The following LRFN2 variants were observed in gnomAD, a reference collection of about 807,000 sequenced individuals.
The protein encoded by LRFN2 is leucine-rich repeat and fibronectin type-III domain-containing protein 2.
LRFN2 carries 18 observed loss-of-function variants against 37.3 expected under a neutral mutation model. The ratio of observed to expected loss-of-function variants is 0.48; its 90% CI spans 0.33 to 0.72. The LOEUF (loss-of-function observed/expected upper bound fraction) is 0.72. Among genes scored for constraint, LRFN2 ranks in the 30% least tolerant of loss-of-function variants. The pLI, the probability that LRFN2 is intolerant of heterozygous loss-of-function variation, is 0.02. For missense variants in LRFN2, 1,006 were observed against 1,060.7 expected, an observed-to-expected ratio of 0.95 and a Z score of 0.72; for synonymous variants, 556 against 466.6, an observed-to-expected ratio of 1.19 and a Z score of -2.47.
chr6:40,399,416 T>TTTTTC (rs1255661120), intron 2 of LRFN2, among the ~76,000 whole-genome samples: 3 of 146,386 alleles, frequency 2.0e-5, no homozygotes, highest in Non-Finnish European at 4.5e-5. Flanking sequence ...ATTCTCTTTC[T>TTTTTC]TTTTCTTTTC....
At chr6:40,426,478 A>G (rs1763355716) in intron 2 of LRFN2, among the ~76,000 whole-genome samples, 1 of 152,210 alleles carries the variant, frequency 6.6e-6, no homozygotes, top group Admixed American at 6.5e-5. Context: ...GGCTGAGGAC[A>G]TGGAGATGAG....
intron 1 of LRFN2, among the ~76,000 whole-genome samples, chr6:40,533,428 AGAAAGAGAGAGAGG>A (rs1373202884): frequency 6.6e-6 from 1 of 151,284 alleles, no homozygotes; most frequent in African/African-American, 2.5e-5. Context: ...AAAGAGAGAG[AGAAAGAGAGAGAGG>A]GAAAGACAGA....
chr6:40,404,930 G>A (rs1762810736), intron 2 of LRFN2, among the ~76,000 whole-genome samples: 1 of 152,160 alleles, frequency 6.6e-6, no homozygotes, highest in Admixed American at 6.5e-5. Context: ...CCTAGCTCAA[G>A]CTTATCTGCC....
At chr6:40,469,011 TA>T (rs963768687) in intron 1 of LRFN2, among the ~76,000 whole-genome samples, 8 of 152,116 alleles carry the variant, frequency 5.3e-5, no homozygotes, top group African/African-American at 1.9e-4. Context: ...TGTCCTTATC[TA>T]AAAAAAGGGT....
Position 40,392,713 on chromosome 6 carries a change from T to A in LRFN2, c.1600A>T (p.Met534Leu). The A allele has an allele frequency of 6.2e-7, 1 of 1,614,032 alleles. No homozygotes were observed. The highest frequency in any genetic ancestry group is 8.5e-7 in the Non-Finnish European group (1 of 1,179,968). Residue 534 changes from methionine to leucine, a missense_variant, in exon 3 of 3, where the codon ATG becomes TTG. By Grantham distance (15) the Met-to-Leu change is conservative. Transcript: ENST00000338305. This position sits in a 1 kb window ranked among gnomAD's most constrained non-coding sequence, Gnocchi z 4.7. ...ATGATGCCCCCGATGACCAGGATCATGGTGCCGCCCAGAATCTGGCTGTGC... is the reference window on the plus strand; with the variant it reads ...ATGATGCCCCCGATGACCAGGATCAAGGTGCCGCCCAGAATCTGGCTGTGC... ...SMHSQILGGT[M>L]ILVIGGIIVA...
intron 2 of LRFN2, among the ~76,000 whole-genome samples, chr6:40,428,426 C>A (rs1410557418): frequency 6.6e-6 from 1 of 152,214 alleles, no homozygotes; most frequent in Non-Finnish European, 1.5e-5. Context: ...TATATACCTT[C>A]CTGTTAAAAT....
chr6:40,522,921 G>A (rs1766128064), intron 1 of LRFN2, among the ~76,000 whole-genome samples: 1 of 152,226 alleles, frequency 6.6e-6, no homozygotes, highest in African/African-American at 2.4e-5. Flanking sequence ...AGGGCCTGCA[G>A]TGGATGTGAA....
intron 1 of LRFN2, among the ~76,000 whole-genome samples, chr6:40,433,519 T>A (rs151311640): frequency 6.6e-6 from 1 of 152,034 alleles, no homozygotes; most frequent in Non-Finnish European, 1.5e-5. Flanking sequence ...GATGGATGGA[T>A]GGGTGGATGG....
At chr6:40,433,287 T>A (rs142108135) in intron 1 of LRFN2, among the ~76,000 whole-genome samples, 156 bp from the exon 2 acceptor site, 1 of 152,284 alleles carries the variant, frequency 6.6e-6, no homozygotes, top group African/African-American at 2.4e-5. Context: ...ATCCCTCTAA[T>A]GCAGTTTTAC....
intron 1 of LRFN2, among the ~76,000 whole-genome samples, chr6:40,531,542 T>C (rs1323172932): frequency 6.6e-6 from 1 of 152,158 alleles, no homozygotes; most frequent in African/African-American, 2.4e-5. Flanking sequence ...GTCTCCCAGA[T>C]CCTCCCTCCA....
chr6:40,395,080 G>A (rs1762586303), intron 2 of LRFN2, among the ~76,000 whole-genome samples: 1 of 151,894 alleles, frequency 6.6e-6, no homozygotes, highest in Non-Finnish European at 1.5e-5. Flanking sequence ...GAGGGGTTAG[G>A]AGAGGTGGAT....
At position 40,431,698 on chromosome 6, in the gene LRFN2, A is replaced by C; in HGVS notation, c.1400+16T>G. The C allele has an allele frequency of 2.0e-6, 3 of 1,500,204 alleles. No individual in the cohort carries two copies. The highest frequency in any genetic ancestry group is 1.4e-5 in the South Asian group (1 of 72,410). 92.9% of individuals were successfully genotyped at this position (1,500,204 alleles called of 1,614,324 possible). A position where few individuals can be genotyped will look rare whatever the true frequency, so the allele number is the denominator to read the frequency against. On this transcript the variant is annotated intron_variant, in intron 2 of 2. Transcript: ENST00000338305. Reference sequence around the variant, plus strand: ...GCCAGACACCCTCCCTGCCTTTGCCACAGCCGCTTGCTCACCTGTAAATCA... The same window carrying C: ...GCCAGACACCCTCCCTGCCTTTGCCCCAGCCGCTTGCTCACCTGTAAATCA...
chr6:40,530,640 G>A (rs186978542), intron 1 of LRFN2, among the ~76,000 whole-genome samples: 254 of 151,828 alleles, frequency 1.7e-3, no homozygotes, highest in African/African-American at 5.6e-3. Context: ...CCCAGGACCC[G>A]TCACCCCCAG....
intron 1 of LRFN2, among the ~76,000 whole-genome samples, chr6:40,486,456 G>T (rs1437830575): frequency 1.3e-5 from 2 of 152,174 alleles, no homozygotes; most frequent in Non-Finnish European, 2.9e-5. Context: ...TCGGCAGTTA[G>T]TGGGGCTTTA....
At chr6:40,508,195 G>T (rs925841931) in intron 1 of LRFN2, among the ~76,000 whole-genome samples, 9 of 152,220 alleles carry the variant, frequency 5.9e-5, no homozygotes, top group African/African-American at 2.2e-4. Flanking sequence ...ACAGTGGCTT[G>T]TATCTAGTAC....
chr6:40,496,127 A>G (rs1765219631), intron 1 of LRFN2, among the ~76,000 whole-genome samples: 1 of 152,044 alleles, frequency 6.6e-6, no homozygotes, highest in Non-Finnish European at 1.5e-5. Flanking sequence ...TCTCACACCA[A>G]AGAGCCCATC....
At position 40,433,146 on chromosome 6, in the gene LRFN2, C is replaced by T. The variant is rs780844008; in HGVS notation, c.-18-15G>A. On this transcript the variant is annotated splice_polypyrimidine_tract_variant and intron_variant, in intron 1 of 2. Coordinates refer to ENST00000338305, the MANE Select transcript of LRFN2 (RefSeq NM_020737.3). ...TCACTCAGCGCCTGGAAGGGAGAAA[C>T]ACAAGCTCAGGGTCAGGAGGCAAAT... 13 of 1,512,828 alleles carry T rather than the reference C, an allele frequency of 8.6e-6. No individual in the cohort carries two copies. Among genetic ancestry groups the T allele is most frequent in the Admixed American group, 4.6e-5 (2 of 43,666 alleles). The allele number at this position is 1,512,828 out of a possible 1,614,324, so 93.7% of individuals were successfully genotyped here. A position where few individuals can be genotyped will look rare whatever the true frequency, so the allele number is the denominator to read the frequency against.
chr6:40,434,999 T>G, intron 1 of LRFN2, among the ~76,000 whole-genome samples: 1 of 116,290 alleles, frequency 8.6e-6, no homozygotes. Context: ...ATCCCTTTCT[T>G]GAGCAATGGT....
intron 1 of LRFN2, among the ~76,000 whole-genome samples, chr6:40,543,329 A>G (rs1766591904): frequency 6.6e-6 from 1 of 152,240 alleles, no homozygotes. Flanking sequence ...AATTATATGT[A>G]TGCACCGTCA....
Sources: gnomAD v4.1 joint callset for allele counts (sites outside exome capture counted in the v4.1 genomes callset) on GRCh38, gnomAD v4.1.1 for gene constraint, Gnocchi (gnomAD v3.1) non-coding constraint, MANE v1.5 for transcripts, NCBI Gene and HGNC (gene_info 2026-07-23, HGNC 2026-07-21) for gene names.